ZNF665: variants seen among roughly 807,000 people sequenced by gnomAD.
The protein encoded by ZNF665 is zinc finger protein 665.
ZNF665 carries 6 observed loss-of-function variants against 7.9 expected under a neutral mutation model. The ratio of observed to expected loss-of-function variants is 0.76; its 90% CI spans 0.42 to 1.50. The LOEUF is 1.50. ZNF665 is among the 40% of genes most tolerant of loss of function. ZNF665 has a pLI of 0.01. For missense variants in ZNF665, 819 were observed against 806.7 expected (o/e 1.02, Z -0.18); for synonymous variants, 242 against 274.5 (o/e 0.88, Z 1.17).
intron 1 of ZNF665, among the ~76,000 whole-genome samples, chr19:53,184,677 G>A (rs571037335): frequency 1.3e-5 from 2 of 152,292 alleles, no homozygotes; most frequent in African/African-American, 2.4e-5. Context: ...GTGTGGAGAC[G>A]AGAGAGCTTA....
intron 3 of ZNF665, among the ~76,000 whole-genome samples, chr19:53,166,891 A>C (rs2090619539): frequency 6.6e-6 from 1 of 152,224 alleles, no homozygotes; most frequent in South Asian, 2.1e-4. Flanking sequence ...AATGTCAGAA[A>C]AAACTATTTT....
chr19:53,171,408 G>A (rs1434379827), intron 3 of ZNF665, among the ~76,000 whole-genome samples: 1 of 150,434 alleles, frequency 6.6e-6, no homozygotes. Context: ...ATAGCAATAG[G>A]AGGTGGCTAT....
rs1423624249 is a variant in ZNF665 at position 53,166,391 on chromosome 19, G to A, written c.143-44C>T. On this transcript the variant is annotated intron_variant, in intron 3 of 3. Transcript: ENST00000396424. ...CATAGATTTCCAGTTAACTATAGTA[G>A]GTAAATAACTATTTCCCATTGAAAA... 4.8e-6 allele frequency: 7 copies of A among 1,467,154 alleles called. No homozygotes were observed. The South Asian group carries it at 8.9e-5, about 19-fold the overall frequency. The allele number at this position is 1,467,154 out of a possible 1,614,324, so 90.9% of individuals were successfully genotyped here.
intron 1 of ZNF665, among the ~76,000 whole-genome samples, chr19:53,185,448 G>A (rs1335896877): frequency 6.6e-6 from 1 of 152,062 alleles, no homozygotes; most frequent in Non-Finnish European, 1.5e-5. Flanking sequence ...TACAGAGGGA[G>A]GATTATTATA....
intron 1 of ZNF665, among the ~76,000 whole-genome samples, chr19:53,192,974 G>A (rs2090829469): frequency 6.6e-6 from 1 of 152,168 alleles, no homozygotes; most frequent in Non-Finnish European, 1.5e-5. Flanking sequence ...CGCTCCAGTA[G>A]CTGACTAGGG....
chr19:53,169,801 G>T (rs2090643916), intron 3 of ZNF665, among the ~76,000 whole-genome samples: 1 of 145,796 alleles, frequency 6.9e-6, no homozygotes, highest in Non-Finnish European at 1.5e-5. Flanking sequence ...TTTTGTTCTT[G>T]CAATAGTTTA....
At chr19:53,179,259 C>G (rs1031863370) in intron 2 of ZNF665, among the ~76,000 whole-genome samples, 1 of 151,650 alleles carries the variant, frequency 6.6e-6, no homozygotes, top group African/African-American at 2.4e-5. Context: ...GCCTGTAGTC[C>G]CAGCTGGTCG....
intron 2 of ZNF665, among the ~76,000 whole-genome samples, chr19:53,178,389 G>A (rs2090713680): frequency 6.6e-6 from 1 of 152,100 alleles, no homozygotes; most frequent in Admixed American, 6.6e-5. Context: ...GCTACACTGT[G>A]GCTGAAATCC....
chr19:53,166,418 C>A, intron 3 of ZNF665, 71 bp from the exon 4 acceptor site: 1 of 1,313,660 alleles, frequency 7.6e-7, no homozygotes, highest in Non-Finnish European at 1.0e-6. Context: ...CATTGAAAAA[C>A]CTAATGTTAC....
intron 1 of ZNF665, among the ~76,000 whole-genome samples, chr19:53,183,937 G>A (rs1156849583): frequency 6.6e-6 from 1 of 152,132 alleles, no homozygotes; most frequent in Non-Finnish European, 1.5e-5. Flanking sequence ...TCTTCAAACA[G>A]TTTTTCTCCC....
At chr19:53,167,900 C>CA (rs1437570909) in intron 3 of ZNF665, among the ~76,000 whole-genome samples, 3 of 148,704 alleles carry the variant, frequency 2.0e-5, no homozygotes, top group East Asian at 2.0e-4. Context: ...ACTAAAGATA[C>CA]AAAAAATTCG....
At chr19:53,189,323 G>T (rs1599889016) in intron 1 of ZNF665, among the ~76,000 whole-genome samples, 1 of 151,842 alleles carries the variant, frequency 6.6e-6, no homozygotes, top group East Asian at 2.0e-4. Context: ...GCGCCCGGGG[G>T]ACCACTACCA....
intron 2 of ZNF665, among the ~76,000 whole-genome samples, chr19:53,178,641 A>G (rs1369273065): frequency 6.6e-6 from 1 of 152,204 alleles, no homozygotes; most frequent in African/African-American, 2.4e-5. Flanking sequence ...AATGTTGGAG[A>G]ATGAAGGGTA....
chr19:53,191,612 G>C (rs11671155), intron 1 of ZNF665: 1 of 152,024 alleles, frequency 6.6e-6, no homozygotes, highest in Non-Finnish European at 1.5e-5. Flanking sequence ...GGGACGCTGA[G>C]GTGGGTAGAT....
intron 1 of ZNF665, among the ~76,000 whole-genome samples, chr19:53,189,354 G>A (rs1220956520): frequency 6.6e-6 from 1 of 151,542 alleles, no homozygotes; most frequent in African/African-American, 2.4e-5. Context: ...GAGACCGGTA[G>A]TGGCCCCGAA....
At chr19:53,168,437 A>T (rs1238934671) in intron 3 of ZNF665, among the ~76,000 whole-genome samples, 1 of 152,174 alleles carries the variant, frequency 6.6e-6, no homozygotes, top group Non-Finnish European at 1.5e-5. Flanking sequence ...AATATTGCAG[A>T]GAGGAATTAA....
chr19:53,174,269 C>T (rs1253691178), intron 3 of ZNF665, among the ~76,000 whole-genome samples: 1 of 152,046 alleles, frequency 6.6e-6, no homozygotes, highest in Non-Finnish European at 1.5e-5. Context: ...TCATAGAAAG[C>T]CAGTAACAGA....
rs1382101490 is a variant in ZNF665, at chr19:53,165,456, G to C, written c.1034C>G (p.Pro345Arg). ...CTTGCCACATTCATTACATTTGTAA[G>C]GTTTTTCTCCAGTGTGGATTGTCTG... is the stretch of plus-strand genomic sequence containing the variant. ...THQTIHTGEK[P>R]YKCNECGKVF... The change falls in exon 4 of 4, where the codon CCT becomes CGT. Residue 345 changes from proline (P) to arginine (R), a missense_variant. Coordinates refer to ENST00000396424, the MANE Select transcript of ZNF665 (RefSeq NM_024733.5). 3 of 1,612,840 alleles carry C rather than the reference G, an allele frequency of 1.9e-6. No homozygotes were observed. The highest frequency in any genetic ancestry group is 2.5e-6 in the Non-Finnish European group (3 of 1,179,348).
At position 53,165,363 on chromosome 19, in the gene ZNF665, C is replaced by T; in HGVS notation, c.1127G>A (p.Cys376Tyr). ...ACTGAAGGCTTTCCCACACTCATTA[C>T]ACTTGTAAGGTTTCTCACCAGTATG... ...RIHTGEKPYK[C>Y]NECGKAFSMH... The change falls in exon 4 of 4, where the codon TGT becomes TAT. Residue 376 changes from cysteine to tyrosine, a missense_variant. Transcript: ENST00000396424. 1 of 1,614,174 alleles carries T rather than the reference C, an allele frequency of 6.2e-7. No individual in the cohort carries two copies. Among genetic ancestry groups the T allele is most frequent in the Non-Finnish European group, 8.5e-7 (1 of 1,180,012 alleles).
Sources: allele counts gnomAD v4.1 joint callset (sites outside exome capture counted in the v4.1 genomes callset), GRCh38; gene constraint gnomAD v4.1.1; transcripts MANE v1.5; gene names NCBI Gene and HGNC (gene_info 2026-07-23, HGNC 2026-07-21).